The following GRIP1 variants were observed in gnomAD, a reference collection of about 807,000 sequenced individuals.
GRIP1 encodes glutamate receptor-interacting protein 1.
In GRIP1, 45 loss-of-function variants were observed where a neutral mutation model predicts 129.9. The ratio of observed to expected loss-of-function variants is 0.35; its 90% CI spans 0.27 to 0.44. GRIP1 has a LOEUF of 0.44. GRIP1 is among the 20% of genes least tolerant of loss of function. The pLI is 1.00. For missense variants in GRIP1, 1,196 were observed against 1,396.8 expected (o/e 0.86, Z 2.29); for synonymous variants, 530 against 520.8 (o/e 1.02, Z -0.24).
chr12:66,410,477 CAAA>C (rs34277777), intron 15 of GRIP1, among the ~76,000 whole-genome samples: 2,799 of 132,654 alleles, frequency 0.021, 40 homozygotes, highest in Non-Finnish European at 0.027. Flanking sequence ...ACTAAAAATA[CAAA>C]AAAAAAAAAA....
intron 1 of GRIP1, among the ~76,000 whole-genome samples, chr12:67,049,318 G>A (rs774385): frequency 0.96 from 145,401 of 152,214 alleles, 69,838 homozygotes; most frequent in East Asian, 1. Context: ...TTTTGCCTCC[G>A]ACATCTTAGC....
intron 1 of GRIP1, among the ~76,000 whole-genome samples, chr12:67,012,404 C>T (rs1019508219): frequency 6.6e-6 from 1 of 152,130 alleles, no homozygotes; most frequent in Non-Finnish European, 1.5e-5. Flanking sequence ...GCCTAAAGAT[C>T]CATCTTCCAG....
At chr12:66,476,474 C>A (rs1033236742) in intron 7 of GRIP1, among the ~76,000 whole-genome samples, 4 of 152,146 alleles carry the variant, frequency 2.6e-5, no homozygotes, top group African/African-American at 9.7e-5. Flanking sequence ...TGAAACTATT[C>A]TAATCAATAG....
intron 20 of GRIP1, among the ~76,000 whole-genome samples, chr12:66,378,236 G>A (rs963950036): frequency 1.3e-5 from 2 of 151,468 alleles, no homozygotes; most frequent in Non-Finnish European, 2.9e-5. Context: ...GAGGTCAGGA[G>A]TTTGAGACCA....
intron 1 of GRIP1, among the ~76,000 whole-genome samples, chr12:66,905,803 G>T (rs770957419): frequency 6.6e-6 from 1 of 152,086 alleles, no homozygotes; most frequent in Admixed American, 6.5e-5. Context: ...GAGTTTCTCA[G>T]GTTTTTAAAT....
intron 1 of GRIP1, among the ~76,000 whole-genome samples, chr12:66,612,034 T>A (rs931340177): frequency 6.6e-6 from 1 of 152,200 alleles, no homozygotes; most frequent in African/African-American, 2.4e-5. Context: ...TAAGCTTCAA[T>A]TTTTTTCATC....
intron 1 of GRIP1, among the ~76,000 whole-genome samples, chr12:66,995,334 A>C (rs2042451721): frequency 6.6e-6 from 1 of 152,140 alleles, no homozygotes; most frequent in Non-Finnish European, 1.5e-5. Flanking sequence ...TGACAAAAGA[A>C]ACAACAAATA....
intron 1 of GRIP1, among the ~76,000 whole-genome samples, chr12:66,617,407 G>A (rs912768628): frequency 3.3e-5 from 5 of 151,512 alleles, no homozygotes; most frequent in Admixed American, 2.0e-4. Flanking sequence ...CAAGAATGAT[G>A]TTTAATCAAA....
At chr12:66,482,922 C>T (rs1394987511) in intron 7 of GRIP1, among the ~76,000 whole-genome samples, 1 of 152,182 alleles carries the variant, frequency 6.6e-6, no homozygotes, top group Non-Finnish European at 1.5e-5. Flanking sequence ...TTAAAGACAT[C>T]TCAGTCATTA....
chr12:66,578,980 C>T (rs534813617), intron 2 of GRIP1, among the ~76,000 whole-genome samples: 2,302 of 152,260 alleles, frequency 0.015, 64 homozygotes, highest in African/African-American at 0.053. Flanking sequence ...GACCCCTGAC[C>T]CCTGAGCAGC....
chr12:66,893,823 A>C (rs142708902), intron 1 of GRIP1, among the ~76,000 whole-genome samples: 93 of 152,304 alleles, frequency 6.1e-4, no homozygotes, highest in African/African-American at 2.2e-3. Flanking sequence ...GGTCATGTTA[A>C]ATCACCTCTT....
intron 1 of GRIP1, among the ~76,000 whole-genome samples, chr12:66,876,775 G>A (rs921510078): frequency 1.3e-5 from 2 of 151,982 alleles, no homozygotes; most frequent in African/African-American, 4.8e-5. Context: ...CACTATTGTG[G>A]GCATTTGGTA....
intron 1 of GRIP1, among the ~76,000 whole-genome samples, chr12:66,685,973 A>G (rs753378425): frequency 3.9e-5 from 6 of 152,198 alleles, no homozygotes; most frequent in Non-Finnish European, 7.3e-5. Flanking sequence ...CGAATAAATA[A>G]ATGTGAAAGG....
intron 19 of GRIP1, among the ~76,000 whole-genome samples, chr12:66,383,015 T>C (rs975439422): frequency 1.3e-5 from 2 of 152,064 alleles, no homozygotes; most frequent in African/African-American, 4.8e-5. Context: ...AGACAGTACA[T>C]GGTGGGCACA....
At chr12:66,370,436 C>G (rs1006515035) in intron 23 of GRIP1, among the ~76,000 whole-genome samples, 2 of 152,168 alleles carry the variant, frequency 1.3e-5, no homozygotes, top group Non-Finnish European at 1.5e-5. Context: ...CCATACTATC[C>G]TTTCTCTCAC....
At chr12:66,410,753 G>A (rs1338748459) in intron 15 of GRIP1, among the ~76,000 whole-genome samples, 1 of 152,170 alleles carries the variant, frequency 6.6e-6, no homozygotes, top group Non-Finnish European at 1.5e-5. Flanking sequence ...TTAAAGACGA[G>A]GTAGAGAGAG....
chr12:66,874,453 T>C (rs117056962), intron 1 of GRIP1, among the ~76,000 whole-genome samples: 4,074 of 152,206 alleles, frequency 0.027, 108 homozygotes, highest in Middle Eastern at 0.065. Flanking sequence ...ATTAGTCCAT[T>C]CTTGCATTGC....
chr12:67,038,396 A>G (rs2043129704), intron 1 of GRIP1, among the ~76,000 whole-genome samples: 1 of 152,184 alleles, frequency 6.6e-6, no homozygotes, highest in Admixed American at 6.6e-5. Context: ...TGTGGCTTGC[A>G]ATAAAAACAC....
chr12:66,931,792 T>C (rs760748064), intron 1 of GRIP1, among the ~76,000 whole-genome samples: 5 of 152,166 alleles, frequency 3.3e-5, no homozygotes, highest in Non-Finnish European at 7.4e-5. Context: ...TTTAACACTA[T>C]CCAAAAATGT....
Sources: gnomAD v4.1 joint callset for allele counts (sites outside exome capture counted in the v4.1 genomes callset) on GRCh38, gnomAD v4.1.1 for gene constraint, MANE v1.5 for transcripts, NCBI Gene and HGNC (gene_info 2026-07-23, HGNC 2026-07-21) for gene names.